The following COL12A1 variants were observed in gnomAD, a reference collection of about 807,000 sequenced individuals.
COL12A1 encodes collagen type XII alpha 1 chain, also known as collagen alpha-1(XII) chain.
In COL12A1, 114 loss-of-function variants were observed where a neutral mutation model predicts 349.7. That is an observed-to-expected ratio of 0.33 (90% confidence interval 0.28 to 0.38). The LOEUF is 0.38. Ranked by LOEUF, COL12A1 falls within the 10% of genes least tolerant of loss-of-function variation. The pLI, the probability that COL12A1 is intolerant of heterozygous loss-of-function variation, is 1.00. For synonymous variants in COL12A1, 1,369 were observed against 1,329.0 expected (o/e 1.03, Z -0.66); for missense variants, 3,284 against 3,756.9 (o/e 0.87, Z 3.29).
chr6:75,087,869 A>G (rs1302920991), intron 64 of COL12A1, 122 bp from the exon 65 acceptor site: 7 of 1,043,896 alleles, frequency 6.7e-6, no homozygotes, highest in Non-Finnish European at 9.7e-6. Context: ...ATTGTATGGT[A>G]AGAAAATGTT....
chr6:75,105,173 G>GA, intron 54 of COL12A1, 33 bp downstream of exon 54: 1 of 1,564,930 alleles, frequency 6.4e-7, no homozygotes, highest in Non-Finnish European at 8.8e-7. Flanking sequence ...GATTTCAAAG[G>GA]AAAAACCAGA....
At chr6:75,104,277 A>C (rs1768439404) in intron 54 of COL12A1, among the ~76,000 whole-genome samples, 1 of 152,186 alleles carries the variant, frequency 6.6e-6, no homozygotes, top group African/African-American at 2.4e-5. Context: ...TCACTACTAC[A>C]GGGGAAAAAA....
At chr6:75,155,319 C>T (rs1330128187) in intron 16 of COL12A1, among the ~76,000 whole-genome samples, 2 of 152,128 alleles carry the variant, frequency 1.3e-5, no homozygotes, top group Non-Finnish European at 2.9e-5. Flanking sequence ...CCCCATGCTT[C>T]CACATGGCTA....
chr6:75,134,123 A>C lies in COL12A1; in HGVS notation c.5525-126T>G, dbSNP rs182132836. The C allele has an allele frequency of 2.7e-4, 276 of 1,028,662 alleles. 1 individual carries two copies. In the East Asian group the frequency reaches 6.8e-3, roughly 25 times the overall value. 63.7% of individuals were successfully genotyped at this position (1,028,662 alleles called of 1,614,324 possible). ...GCACCGCACAAACATTTGTTGAAGT[A>C]GTGAATAAACGACACACACTGTGTC... On this transcript the variant is annotated intron_variant, in intron 32 of 65. Transcript: ENST00000322507.
In COL12A1 at chr6:75,146,242, G is replaced by A. The variant is rs750010185; in HGVS notation, c.4420C>T (p.Pro1474Ser). The A allele has an allele frequency of 7.5e-6, 12 of 1,595,078 alleles. No individual in the cohort carries two copies. Among genetic ancestry groups the A allele is most frequent in the Admixed American group, 1.8e-5 (1 of 55,744 alleles). ...EPLKGTEKTL[P>S]VPVVSLNIYD... is the part of the protein sequence containing the mutation. ...ATATTCAGGCTGACTACAGGCACTG[G>A]CACTTCCAAAACAGAAAAGCAGACC... Residue 1474 changes from proline (P) to serine (S), a missense_variant and splice_region_variant, in exon 24 of 66, where the codon CCA becomes TCA. Physicochemically the swap from Pro to Ser is moderately conservative, Grantham distance 74. Coordinates refer to ENST00000322507, the MANE Select transcript of COL12A1 (RefSeq NM_004370.6).
chr6:75,088,991 A>G (rs2149325064), intron 64 of COL12A1, 115 bp downstream of exon 64: 2 of 784,970 alleles, frequency 2.5e-6, no homozygotes, highest in East Asian at 5.6e-5. Flanking sequence ...ACAGAGCAAG[A>G]CTCCGTCTCA....
intron 52 of COL12A1, among the ~76,000 whole-genome samples, chr6:75,106,867 G>A (rs1768572356): frequency 8.6e-6 from 1 of 116,404 alleles, no homozygotes; most frequent in Admixed American, 8.7e-5. Context: ...TGTTTGTTAG[G>A]TATTTTCTTT....
At chr6:75,112,346 T>C (rs941867021) in intron 51 of COL12A1, among the ~76,000 whole-genome samples, 1 of 151,812 alleles carries the variant, frequency 6.6e-6, no homozygotes. Context: ...CCTGCACATC[T>C]TGCACACATA....
chr6:75,102,687 G>C lies in COL12A1; in HGVS notation c.8325C>G (p.Pro2775=), dbSNP rs886038548. 6.5e-7 allele frequency: 1 copy of C among 1,540,414 alleles called. No individual in the cohort carries two copies. The highest frequency in any genetic ancestry group is 8.7e-7 in the Non-Finnish European group (1 of 1,147,936). ...GERGISGAIG[P]PGPRGDIGPP... is the part of the protein sequence containing the mutation. ...GACCTATGTCTCCACGAGGACCAGG[G>C]GGCCCCTAAAATACACAAGAGAGAG... is the stretch of plus-strand genomic sequence containing the variant. The change falls in exon 56 of 66, where the codon CCC becomes CCG. Residue 2775 remains proline, a synonymous_variant. Transcript: ENST00000322507.
chr6:75,153,341 A>G (rs1404067725), intron 17 of COL12A1, among the ~76,000 whole-genome samples: 1 of 152,170 alleles, frequency 6.6e-6, no homozygotes, highest in African/African-American at 2.4e-5. Flanking sequence ...TCCTCAGTGT[A>G]CAAGCTACAA....
intron 13 of COL12A1, among the ~76,000 whole-genome samples, chr6:75,167,432 C>T (rs1310557883): frequency 6.6e-6 from 1 of 152,136 alleles, no homozygotes; most frequent in Non-Finnish European, 1.5e-5. Flanking sequence ...AAATGAGCTG[C>T]ATTAACGACG....
At chr6:75,195,116 C>T (rs561758259) in intron 2 of COL12A1, among the ~76,000 whole-genome samples, 169 bp from the exon 3 acceptor site, 2 of 152,138 alleles carry the variant, frequency 1.3e-5, no homozygotes, top group South Asian at 4.1e-4. Context: ...TAAAAGCTGA[C>T]AAAACATCAG....
At chr6:75,186,059 A>G (rs912529067) in intron 8 of COL12A1, among the ~76,000 whole-genome samples, 1 of 152,238 alleles carries the variant, frequency 6.6e-6, no homozygotes, top group Non-Finnish European at 1.5e-5. Flanking sequence ...AGGCCCTGGC[A>G]AAGATTTCAT....
intron 35 of COL12A1, among the ~76,000 whole-genome samples, chr6:75,131,325 G>A (rs1444518908): frequency 6.6e-6 from 1 of 152,162 alleles, no homozygotes; most frequent in Non-Finnish European, 1.5e-5. Flanking sequence ...TCTTATTGTG[G>A]TGGGGGAGAT....
rs373126151 is a variant in COL12A1 at position 75,103,806 on chromosome 6, C to T, written c.8270G>A (p.Gly2757Glu). Residue 2757 changes from glycine to glutamate, a missense_variant, in exon 55 of 66, where the codon GGA becomes GAA. By Grantham distance (98) the Gly-to-Glu change is moderately conservative. This residue lies in a region of COL12A1 where 683 missense variants were observed against 932.1 expected (regional missense o/e 0.73). Transcript: ENST00000322507. ...ACCTCTGGGACCTTTAGCACCAGGT[C>T]CTCCCTAAAATACATAGAGCACATA... ...GPPGPPGPAG[G>E]PGAKGPRGER... 1.9e-6 allele frequency: 3 copies of T among 1,612,784 alleles called. No homozygotes were observed. The highest frequency in any genetic ancestry group is 2.5e-6 in the Non-Finnish European group (3 of 1,179,078).
chr6:75,103,848 A>G (rs769733398), intron 54 of COL12A1, 38 bp from the exon 55 acceptor site: 1 of 1,514,848 alleles, frequency 6.6e-7, no homozygotes, highest in Non-Finnish European at 9.0e-7. Flanking sequence ...TGAACATAGG[A>G]AAATAGGAGG....
intron 43 of COL12A1, among the ~76,000 whole-genome samples, chr6:75,121,994 G>A (rs1436289567): frequency 6.6e-6 from 1 of 151,792 alleles, no homozygotes; most frequent in Admixed American, 6.6e-5. Flanking sequence ...TGAGTAGCTG[G>A]GACTACAGGC....
chr6:75,172,889 G>A (rs192888150), intron 13 of COL12A1, among the ~76,000 whole-genome samples: 24 of 152,228 alleles, frequency 1.6e-4, no homozygotes, highest in Admixed American at 2.6e-4. Context: ...ACCTATATCC[G>A]GGGGCCAACT....
chr6:75,137,496 G>C lies in COL12A1; in HGVS notation c.5335C>G (p.Arg1779Gly). 3 of 1,613,666 alleles carry C rather than the reference G, an allele frequency of 1.9e-6. No homozygotes were observed. The highest frequency in any genetic ancestry group is 2.2e-5 in the South Asian group (2 of 91,006). Residue 1779 changes from arginine (R) to glycine (G), a missense_variant, in exon 31 of 66, where the codon CGT becomes GGT. Coordinates refer to ENST00000322507, the MANE Select transcript of COL12A1 (RefSeq NM_004370.6). ...TAAGTGATCCTATATTTCTGCACAC[G>C]ACCACTAGCAGGATCCCACTTAACA... ...LTVKWDPASG[R>G]VQKYRITYQP...
Sources: gnomAD v4.1 joint callset for allele counts (sites outside exome capture counted in the v4.1 genomes callset) on GRCh38, gnomAD v4.1.1 for gene constraint, gnomAD v4.1.1 regional missense constraint, MANE v1.5 for transcripts, NCBI Gene and HGNC (gene_info 2026-07-23, HGNC 2026-07-21) for gene names.